The following GNG2 variants were observed in gnomAD, a reference collection of about 807,000 sequenced individuals.
GNG2 encodes G protein subunit gamma 2.
GNG2 carries 5 observed loss-of-function variants against 5.5 expected under a neutral mutation model. That is an observed-to-expected ratio of 0.91 (90% CI 0.48 to 1.92). The LOEUF (loss-of-function observed/expected upper bound fraction) is 1.92. Among genes scored for constraint, GNG2 ranks in the 30% most tolerant of loss-of-function variants. The probability of loss-of-function intolerance (pLI) is 0.01; values close to 1 mark genes in which losing one functional copy is unlikely to be tolerated. For synonymous variants in GNG2, 28 were observed against 32.0 expected (o/e 0.88, Z 0.42); for missense variants, 55 against 88.4 (o/e 0.62, Z 1.52).
chr14:51,910,321 G>A (rs1289120368), intron 2 of GNG2, among the ~76,000 whole-genome samples: 1 of 152,142 alleles, frequency 6.6e-6, no homozygotes, highest in Admixed American at 6.5e-5. Flanking sequence ...GAAAGAGGGG[G>A]GCTAGCTAAG....
chr14:51,904,858 C>T (rs1021185944), intron 2 of GNG2, among the ~76,000 whole-genome samples: 1 of 152,142 alleles, frequency 6.6e-6, no homozygotes, highest in African/African-American at 2.4e-5. Flanking sequence ...ACTTTGTGCC[C>T]ATTGATATAT....
chr14:51,947,784 G>T (rs531302370), intron 2 of GNG2, among the ~76,000 whole-genome samples: 1 of 152,354 alleles, frequency 6.6e-6, no homozygotes, highest in East Asian at 1.9e-4. Flanking sequence ...CAGGGAGCAT[G>T]AAAAGGCATT....
rs558413327 is a variant in GNG2, at chr14:51,847,984, T to C, written c.64+20177T>C. ...GCTTTTCCTTTTTCCTCTTTGGAAA[T>C]TGAGATGAACAAATTCTTGATTTCC... is the stretch of plus-strand genomic sequence containing the variant. On this transcript the variant is annotated intron_variant, in intron 2 of 3. Transcript: ENST00000553432. 2.7e-5 allele frequency among the ~76,000 whole-genome samples: 4 copies of C among 149,312 alleles called. 1 individual carries two copies. Among genetic ancestry groups the C allele is most frequent in the African/African-American group, 7.4e-5 (3 of 40,482 alleles).
At chr14:51,890,295 C>T (rs1276857572) in intron 2 of GNG2, among the ~76,000 whole-genome samples, 2 of 152,188 alleles carry the variant, frequency 1.3e-5, no homozygotes, top group Non-Finnish European at 2.9e-5. Context: ...ATCAGTGTTT[C>T]CTGAGTACAC....
intron 2 of GNG2, among the ~76,000 whole-genome samples, chr14:51,881,463 T>G (rs1884062773): frequency 1.3e-5 from 2 of 152,166 alleles, no homozygotes. Flanking sequence ...AGACGCTTGC[T>G]GGGCCTTTCC....
intron 2 of GNG2, among the ~76,000 whole-genome samples, chr14:51,892,240 C>T (rs913748190): frequency 6.6e-6 from 1 of 151,998 alleles, no homozygotes; most frequent in Non-Finnish European, 1.5e-5. Flanking sequence ...GGGCCATTAC[C>T]GTAGACATAT....
At chr14:51,966,320 G>A (rs1029202578) in intron 3 of GNG2, among the ~76,000 whole-genome samples, 12 of 150,582 alleles carry the variant, frequency 8.0e-5, no homozygotes, top group Non-Finnish European at 1.8e-4. Flanking sequence ...TGCCTCCTTC[G>A]GTTCTGCACC....
At chr14:51,835,916 C>A (rs922541050) in intron 2 of GNG2, among the ~76,000 whole-genome samples, 3 of 151,990 alleles carry the variant, frequency 2.0e-5, no homozygotes, top group African/African-American at 7.3e-5. Context: ...AAGGGCTTTA[C>A]AGGGAAACAT....
chr14:51,839,228 G>A (rs1881418234), intron 2 of GNG2, among the ~76,000 whole-genome samples: 1 of 152,182 alleles, frequency 6.6e-6, no homozygotes, highest in Non-Finnish European at 1.5e-5. Context: ...ATTTTAGGGA[G>A]ACATGAGACA....
chr14:51,858,254 GA>G (rs1163700936), upstream of GNG2, among the ~76,000 whole-genome samples: 1 of 152,140 alleles, frequency 6.6e-6, no homozygotes, highest in African/African-American at 2.4e-5. Context: ...TTTCTCTCCT[GA>G]AAAAGAGGCT....
chr14:51,954,603 A>G (rs2140292045), intron 3 of GNG2, among the ~76,000 whole-genome samples: 1 of 152,322 alleles, frequency 6.6e-6, no homozygotes, highest in South Asian at 2.1e-4. Context: ...GGATGTCTCA[A>G]TCCAAGAGCA....
intron 2 of GNG2, among the ~76,000 whole-genome samples, chr14:51,902,514 G>A (rs943870057): frequency 1.3e-5 from 2 of 152,192 alleles, no homozygotes; most frequent in Non-Finnish European, 2.9e-5. Flanking sequence ...GTCAATGTAT[G>A]AACAACTCTT....
At chr14:51,865,066 G>A (rs1385709338) in intron 1 of GNG2, among the ~76,000 whole-genome samples, 1 of 152,214 alleles carries the variant, frequency 6.6e-6, no homozygotes, top group Non-Finnish European at 1.5e-5. Context: ...CAGTATCTGA[G>A]CTTTACGATG....
intron 2 of GNG2, among the ~76,000 whole-genome samples, chr14:51,919,986 G>T (rs1344424162): frequency 1.3e-5 from 2 of 152,142 alleles, no homozygotes; most frequent in Non-Finnish European, 2.9e-5. Context: ...TTGTCCCTCT[G>T]TATCTGTTGG....
chr14:51,846,381 G>A (rs1380286386), intron 2 of GNG2, among the ~76,000 whole-genome samples: 1 of 152,054 alleles, frequency 6.6e-6, no homozygotes, highest in Non-Finnish European at 1.5e-5. Context: ...TTTTTCTTAT[G>A]TGGTTTTATC....
At chr14:51,841,911 A>G (rs916405710) in intron 2 of GNG2, among the ~76,000 whole-genome samples, 3 of 152,210 alleles carry the variant, frequency 2.0e-5, no homozygotes, top group Admixed American at 1.3e-4. Flanking sequence ...TTTAAGAAAG[A>G]TGTTTAATAT....
intron 2 of GNG2, among the ~76,000 whole-genome samples, chr14:51,833,155 A>G (rs1404428153): frequency 6.6e-6 from 1 of 152,188 alleles, no homozygotes; most frequent in Non-Finnish European, 1.5e-5. Flanking sequence ...GAAGAAAGAT[A>G]GATAATGAAT....
chr14:51,963,797 C>T (rs1323118479), intron 3 of GNG2, among the ~76,000 whole-genome samples: 1 of 152,164 alleles, frequency 6.6e-6, no homozygotes, highest in Non-Finnish European at 1.5e-5. Context: ...GATAATAATT[C>T]TTACCTCAGG....
chr14:51,897,075 C>G (rs1164155076), intron 2 of GNG2, among the ~76,000 whole-genome samples: 2 of 152,202 alleles, frequency 1.3e-5, no homozygotes, highest in African/African-American at 4.8e-5. Flanking sequence ...ATGCCAGTCT[C>G]TTTGGGTGGC....
Sources: gnomAD v4.1 joint callset for allele counts (sites outside exome capture counted in the v4.1 genomes callset) on GRCh38, gnomAD v4.1.1 for gene constraint, MANE v1.5 for transcripts, NCBI Gene and HGNC (gene_info 2026-07-23, HGNC 2026-07-21) for gene names.